The following GPHN variants were observed in gnomAD, a reference collection of about 807,000 sequenced individuals.
The protein encoded by GPHN is gephyrin.
A neutral mutation model predicts 95.5 loss-of-function variants in GPHN; 17 were observed. That is an observed-to-expected ratio of 0.18 (90% CI 0.12 to 0.27). GPHN has a LOEUF of 0.27. Ranked by LOEUF, GPHN falls within the 10% of genes least tolerant of loss-of-function variation. The probability of loss-of-function intolerance (pLI) is 1.00; values close to 1 mark genes in which losing one functional copy is unlikely to be tolerated. For missense variants in GPHN, 660 were observed against 978.1 expected (o/e 0.67, Z 4.34); for synonymous variants, 320 against 322.5 (o/e 0.99, Z 0.08).
At chr14:67,392,939 G>A in the GPHN span, 4 of 1,150,962 alleles carry the variant, frequency 3.5e-6, no homozygotes, top group South Asian at 1.5e-5. Flanking sequence ...TTGGCCCTCT[G>A]GGCAGCCTCA....
intron 3 of GPHN, among the ~76,000 whole-genome samples, chr14:66,810,296 A>G (rs1311005385): frequency 6.6e-6 from 1 of 151,890 alleles, no homozygotes; most frequent in Non-Finnish European, 1.5e-5. Flanking sequence ...TTACTTGAAA[A>G]CCAGACCTCT....
intron 2 of GPHN, among the ~76,000 whole-genome samples, chr14:66,683,244 AT>A (rs1238215773): frequency 6.8e-6 from 1 of 146,336 alleles, no homozygotes; most frequent in Non-Finnish European, 1.5e-5. Flanking sequence ...CTGTCAGGAT[AT>A]ACTATTGATG....
chr14:67,359,792 G>A, the GPHN span: 1 of 1,450,012 alleles, frequency 6.9e-7, no homozygotes, highest in East Asian at 2.3e-5. Flanking sequence ...CTCTACGGGA[G>A]TCAGCTGGTT....
intron 1 of GPHN, among the ~76,000 whole-genome samples, chr14:66,656,480 T>C (rs1287598849): frequency 6.6e-6 from 1 of 152,204 alleles, no homozygotes; most frequent in Non-Finnish European, 1.5e-5. Flanking sequence ...AGGTGTACTT[T>C]ATTTTATTGG....
At chr14:66,522,517 G>C (rs1373510402) in intron 1 of GPHN, among the ~76,000 whole-genome samples, 3 of 152,078 alleles carry the variant, frequency 2.0e-5, no homozygotes. Flanking sequence ...CTCTTAACCT[G>C]TATTTAGTCT....
At chr14:66,920,711 A>G (rs1408110728) in intron 6 of GPHN, among the ~76,000 whole-genome samples, 1 of 151,150 alleles carries the variant, frequency 6.6e-6, no homozygotes, top group Non-Finnish European at 1.5e-5. Flanking sequence ...TATACACTGC[A>G]CCATATTTGT....
intron 2 of GPHN, among the ~76,000 whole-genome samples, chr14:66,773,993 GTTTTTTTTTTTTTTT>G (rs1172451199): frequency 7.8e-5 from 7 of 89,974 alleles, no homozygotes; most frequent in African/African-American, 2.6e-4. Flanking sequence ...TATCTAGAAA[GTTTTTTTTTTTTTTT>G]TTTTTTTTTT....
At chr14:67,577,346 G>A in the GPHN span, 25 of 1,585,850 alleles carry the variant, frequency 1.6e-5, no homozygotes, top group Admixed American at 7.1e-5. Context: ...CAGCAAAGAC[G>A]GCCTATACGC....
At chr14:67,143,534 T>C in intron 18 of GPHN, 85 bp downstream of exon 18, 1 of 870,110 alleles carries the variant, frequency 1.1e-6, no homozygotes, top group Non-Finnish European at 2.0e-6. Flanking sequence ...AGGCATCTGA[T>C]ATTCATAACG....
the GPHN span, among the ~76,000 whole-genome samples, chr14:67,416,529 G>A: frequency 6.6e-6 from 1 of 152,230 alleles, no homozygotes; most frequent in Non-Finnish European, 1.5e-5. Flanking sequence ...AGTACAGGCA[G>A]GAAAAGACTA....
intron 10 of GPHN, among the ~76,000 whole-genome samples, chr14:67,035,926 T>TA (rs2074399853): frequency 6.6e-6 from 1 of 151,578 alleles, no homozygotes; most frequent in Non-Finnish European, 1.5e-5. Context: ...ATTACCCTGA[T>TA]ACGAATAGAA....
chr14:67,215,764 G>A, the GPHN span, among the ~76,000 whole-genome samples: 1 of 152,090 alleles, frequency 6.6e-6, no homozygotes, highest in East Asian at 1.9e-4. Flanking sequence ...AATAATCATT[G>A]ATCAGGTCTG....
chr14:67,034,167 C>G (rs1229047739), intron 10 of GPHN, among the ~76,000 whole-genome samples: 3 of 151,934 alleles, frequency 2.0e-5, no homozygotes, highest in Non-Finnish European at 4.4e-5. Flanking sequence ...TATATATATA[C>G]AAATTCAGAA....
At chr14:66,606,152 C>G (rs2062522902) in intron 1 of GPHN, among the ~76,000 whole-genome samples, 1 of 152,092 alleles carries the variant, frequency 6.6e-6, no homozygotes, top group Admixed American at 6.5e-5. Context: ...TTTAATCCAT[C>G]TTGGGTTAAT....
chr14:67,468,402 A>G, the GPHN span, among the ~76,000 whole-genome samples: 1 of 152,302 alleles, frequency 6.6e-6, no homozygotes, highest in Admixed American at 6.5e-5. Context: ...TGAGACAGGC[A>G]CCCAGGAAGA....
At chr14:67,248,150 A>G in the GPHN span, among the ~76,000 whole-genome samples, 45 of 152,286 alleles carry the variant, frequency 3.0e-4, no homozygotes, top group East Asian at 4.2e-3. Context: ...CCATATTTGC[A>G]TGTTTCTGGG....
intron 1 of GPHN, among the ~76,000 whole-genome samples, chr14:66,618,833 G>A (rs2063163175): frequency 6.6e-6 from 1 of 152,142 alleles, no homozygotes; most frequent in African/African-American, 2.4e-5. Context: ...TTGTGAAATT[G>A]TAACTACATG....
At chr14:67,380,704 G>C in the GPHN span, 1 of 1,585,316 alleles carries the variant, frequency 6.3e-7, no homozygotes, top group Middle Eastern at 1.7e-4. Flanking sequence ...AAGATGAACG[G>C]GAAGTACTCA....
intron 1 of GPHN, among the ~76,000 whole-genome samples, chr14:66,595,498 G>A (rs2061934672): frequency 6.6e-6 from 1 of 152,132 alleles, no homozygotes; most frequent in Non-Finnish European, 1.5e-5. Flanking sequence ...GCCTGCCAAG[G>A]GTGAGCCAGG....
Sources: allele counts gnomAD v4.1 joint callset (sites outside exome capture counted in the v4.1 genomes callset), GRCh38; gene constraint gnomAD v4.1.1; transcripts MANE v1.5; gene names NCBI Gene and HGNC (gene_info 2026-07-23, HGNC 2026-07-21).